Variants in ST3GAL3 observed in about 807,000 individuals in gnomAD.
ST3GAL3 encodes the protein ST3 beta-galactoside alpha-2,3-sialyltransferase 3, also known as CMP-N-acetylneuraminate-beta-1,4-galactoside alpha-2,3-sialyltransferase.
Under a neutral mutation model 50.1 loss-of-function variants are expected in ST3GAL3, and 21 were observed. The ratio of observed to expected loss-of-function variants is 0.42; its 90% CI spans 0.30 to 0.60. The LOEUF is 0.60. Among genes scored for constraint, ST3GAL3 ranks in the 20% least tolerant of loss-of-function variants. The pLI is 0.19. For missense variants in ST3GAL3, 353 were observed against 489.4 expected (o/e 0.72, Z 2.63); for synonymous variants, 183 against 190.0 (o/e 0.96, Z 0.30).
chr1:43,909,881 G>T (rs185934809), intron 9 of ST3GAL3, among the ~76,000 whole-genome samples: 3 of 152,192 alleles, frequency 2.0e-5, no homozygotes, highest in Non-Finnish European at 4.4e-5. Flanking sequence ...ACAGAAATAG[G>T]TTTAACCTTC....
At chr1:43,717,894 C>T (rs941118374) in intron 1 of ST3GAL3, among the ~76,000 whole-genome samples, 6 of 150,582 alleles carry the variant, frequency 4.0e-5, no homozygotes, top group Non-Finnish European at 7.4e-5. Context: ...TTAAATGAGA[C>T]GGAGTTTCAC....
chr1:43,788,859 AG>A (rs1227185172), intron 2 of ST3GAL3, among the ~76,000 whole-genome samples: 1 of 152,104 alleles, frequency 6.6e-6, no homozygotes, highest in Non-Finnish European at 1.5e-5. Flanking sequence ...GATGGCCTAA[AG>A]AAGTAAGTGA....
chr1:43,877,605 A>G (rs548329351), intron 5 of ST3GAL3, among the ~76,000 whole-genome samples: 1 of 152,348 alleles, frequency 6.6e-6, no homozygotes, highest in African/African-American at 2.4e-5. Context: ...GCAGTTGGAT[A>G]TATAAGTCTT....
At chr1:43,867,662 A>G (rs889485665) in intron 5 of ST3GAL3, among the ~76,000 whole-genome samples, 1 of 152,234 alleles carries the variant, frequency 6.6e-6, no homozygotes, top group Non-Finnish European at 1.5e-5. Context: ...ACAGTGTTTT[A>G]AAATAATGTG....
At chr1:43,772,673 A>C (rs960620107) in intron 2 of ST3GAL3, 3 of 151,680 alleles carry the variant, frequency 2.0e-5, no homozygotes, top group Non-Finnish European at 4.4e-5. Flanking sequence ...TTTTAGAGAA[A>C]GTTTTAAAAT....
intron 9 of ST3GAL3, among the ~76,000 whole-genome samples, chr1:43,910,794 G>T (rs1005077828): frequency 1.3e-5 from 2 of 152,236 alleles, no homozygotes; most frequent in Non-Finnish European, 2.9e-5. Flanking sequence ...CAGTATAACC[G>T]GGGTGTGGCA....
At chr1:43,761,950 CAAAAAAAA>C (rs67747915) in intron 2 of ST3GAL3, among the ~76,000 whole-genome samples, 18 of 68,850 alleles carry the variant, frequency 2.6e-4, no homozygotes, top group African/African-American at 1.4e-3. Context: ...CACTCTGTCT[CAAAAAAAA>C]AAAAAAAAAA....
At chr1:43,824,982 T>C (rs2062598965) in intron 4 of ST3GAL3, 5 of 710,448 alleles carry the variant, frequency 7.0e-6, no homozygotes, top group African/African-American at 1.7e-5. Flanking sequence ...CCCCAGGTAA[T>C]TGATACCAAG....
intron 3 of ST3GAL3, among the ~76,000 whole-genome samples, chr1:43,797,978 G>C (rs1002796562): frequency 6.6e-6 from 1 of 152,164 alleles, no homozygotes; most frequent in African/African-American, 2.4e-5. Context: ...ACACATAGCA[G>C]CTTCCCGAAA....
At chr1:43,862,106 C>T (rs779999991) in intron 5 of ST3GAL3, among the ~76,000 whole-genome samples, 1 of 152,110 alleles carries the variant, frequency 6.6e-6, no homozygotes, top group Non-Finnish European at 1.5e-5. Context: ...GCATCAAGCA[C>T]AGCAGTCTCT....
At chr1:43,925,151 G>C (rs962173254) in intron 11 of ST3GAL3, among the ~76,000 whole-genome samples, 4 of 151,972 alleles carry the variant, frequency 2.6e-5, no homozygotes, top group African/African-American at 9.7e-5. Flanking sequence ...TTAGCCAGGC[G>C]TGGTGGTGCA....
chr1:43,866,739 A>G (rs751452749), intron 5 of ST3GAL3, among the ~76,000 whole-genome samples: 1 of 152,212 alleles, frequency 6.6e-6, no homozygotes, highest in Non-Finnish European at 1.5e-5. Context: ...ATAGTGTTAC[A>G]TCCTAGATGC....
intron 5 of ST3GAL3, chr1:43,839,610 A>T (rs2065017376): frequency 6.6e-6 from 1 of 152,234 alleles, no homozygotes; most frequent in Admixed American, 6.5e-5. Context: ...GTGGGAACAT[A>T]ACTGTATTTA....
chr1:43,789,726 G>A (rs1312802961), intron 2 of ST3GAL3, among the ~76,000 whole-genome samples: 2 of 151,998 alleles, frequency 1.3e-5, no homozygotes, highest in Admixed American at 6.6e-5. Context: ...TGAAAAGTTA[G>A]CCAGGCAGGC....
intron 3 of ST3GAL3, among the ~76,000 whole-genome samples, chr1:43,802,151 A>G (rs1463663885): frequency 6.6e-6 from 1 of 152,174 alleles, no homozygotes; most frequent in African/African-American, 2.4e-5. Context: ...GGTGTTCATA[A>G]ATTTTTATTC....
chr1:43,780,500 C>A (rs1699020728), intron 2 of ST3GAL3, among the ~76,000 whole-genome samples: 1 of 151,982 alleles, frequency 6.6e-6, no homozygotes, highest in African/African-American at 2.4e-5. Flanking sequence ...GCATTTTCTC[C>A]TTTTCATTTT....
At chr1:43,802,982 A>G (rs764912565) in intron 3 of ST3GAL3, among the ~76,000 whole-genome samples, 7 of 151,932 alleles carry the variant, frequency 4.6e-5, no homozygotes, top group South Asian at 2.1e-4. Flanking sequence ...GCCCAGTGCA[A>G]TGGCGCCATC....
At chr1:43,799,881 A>G (rs1300636132) in intron 3 of ST3GAL3, among the ~76,000 whole-genome samples, 3 of 152,132 alleles carry the variant, frequency 2.0e-5, no homozygotes, top group Non-Finnish European at 4.4e-5. Context: ...GATGGCCCGG[A>G]CACAGTTGAT....
At chr1:43,844,349 G>T (rs1374798086) in intron 5 of ST3GAL3, among the ~76,000 whole-genome samples, 1 of 152,174 alleles carries the variant, frequency 6.6e-6, no homozygotes, top group Non-Finnish European at 1.5e-5. Flanking sequence ...CTGCCAACCA[G>T]CACCCAACAT....
Sources: allele counts gnomAD v4.1 joint callset (sites outside exome capture counted in the v4.1 genomes callset), GRCh38; gene constraint gnomAD v4.1.1; transcripts MANE v1.5; gene names NCBI Gene and HGNC (gene_info 2026-07-23, HGNC 2026-07-21).